The following IL1RAPL1 variants were observed in gnomAD, a reference collection of about 807,000 sequenced individuals.
IL1RAPL1 encodes the protein interleukin 1 receptor accessory protein like 1, also known as interleukin-1 receptor accessory protein-like 1.
Under a neutral mutation model 48.4 loss-of-function variants are expected in IL1RAPL1, and 3 were observed. The observed-to-expected ratio is 0.06, with a 90% CI of 0.03 to 0.16. The LOEUF (loss-of-function observed/expected upper bound fraction) is 0.16, where lower values mean the gene tolerates loss of function less well. Ranked by LOEUF, IL1RAPL1 falls within the 10% of genes least tolerant of loss-of-function variation. IL1RAPL1 has a pLI of 1.00. For missense variants in IL1RAPL1, 349 were observed against 530.6 expected, an observed-to-expected ratio of 0.66 and a Z score of 3.36; for synonymous variants, 185 against 187.7, an observed-to-expected ratio of 0.99 and a Z score of 0.12.
intron 5 of IL1RAPL1, among the ~76,000 whole-genome samples, chrX:29,643,868 G>C (rs920473974): frequency 8.9e-6 from 1 of 111,965 alleles, no homozygotes; most frequent in Admixed American, 9.5e-5. Context: ...ATGTACACTA[G>C]CATTTATGGA....
intron 5 of IL1RAPL1, among the ~76,000 whole-genome samples, chrX:29,457,386 A>G (rs1321205401): frequency 2.7e-5 from 3 of 110,864 alleles, no homozygotes; most frequent in Non-Finnish European, 5.7e-5. Flanking sequence ...TATCATGTTT[A>G]TGTTCATGTG....
chrX:29,354,605 T>C (rs1933278237), intron 3 of IL1RAPL1, among the ~76,000 whole-genome samples: 1 of 112,221 alleles, frequency 8.9e-6, no homozygotes, highest in South Asian at 3.7e-4. Context: ...TGTTCAGCAT[T>C]CTGACAGAAG....
At chrX:29,864,374 G>A (rs1005342893) in intron 6 of IL1RAPL1, among the ~76,000 whole-genome samples, 2 of 112,120 alleles carry the variant, frequency 1.8e-5, no homozygotes, top group Non-Finnish European at 3.8e-5. Context: ...CCTGAAGGGG[G>A]TGGCCCTTAC....
At chrX:28,750,607 T>C (rs1211198215) in intron 1 of IL1RAPL1, among the ~76,000 whole-genome samples, 1 of 112,117 alleles carries the variant, frequency 8.9e-6, no homozygotes, top group Non-Finnish European at 1.9e-5. Context: ...CTCATATTTT[T>C]CTTGATACTG....
At chrX:28,951,939 A>G (rs776153816) in intron 2 of IL1RAPL1, among the ~76,000 whole-genome samples, 35 of 111,187 alleles carry the variant, frequency 3.1e-4, no homozygotes, top group Non-Finnish European at 5.5e-4. Flanking sequence ...GAGGCAGTAT[A>G]TGGTAGATGT....
chrX:29,045,644 T>A (rs1307604411), intron 2 of IL1RAPL1, among the ~76,000 whole-genome samples: 1 of 111,111 alleles, frequency 9.0e-6, no homozygotes, highest in Non-Finnish European at 1.9e-5. Flanking sequence ...TTTAAAATTA[T>A]TTTTTGTAAA....
intron 5 of IL1RAPL1, among the ~76,000 whole-genome samples, chrX:29,618,014 T>C (rs1924341573): frequency 8.9e-6 from 1 of 111,913 alleles, no homozygotes; most frequent in African/African-American, 3.2e-5. Context: ...GGCCTTCTTT[T>C]CCCACTGGGT....
intron 5 of IL1RAPL1, among the ~76,000 whole-genome samples, chrX:29,475,370 A>T (rs1255737390): frequency 8.9e-6 from 1 of 111,907 alleles, no homozygotes; most frequent in African/African-American, 3.3e-5. Flanking sequence ...TTTAGCATCT[A>T]TGTGTGAATT....
intron 2 of IL1RAPL1, among the ~76,000 whole-genome samples, chrX:29,094,895 T>G (rs1374664849): frequency 1.9e-5 from 2 of 105,949 alleles, no homozygotes; most frequent in Non-Finnish European, 3.9e-5. Context: ...TTAACTACTT[T>G]TAAGATTTTT....
chrX:29,479,053 C>G (rs1186383900), intron 5 of IL1RAPL1, among the ~76,000 whole-genome samples: 2 of 107,791 alleles, frequency 1.9e-5, no homozygotes, highest in Non-Finnish European at 3.8e-5. Flanking sequence ...TTTTCTCTGT[C>G]TCTCACTAAT....
chrX:28,807,498 T>C (rs887059158), intron 2 of IL1RAPL1, among the ~76,000 whole-genome samples: 1 of 111,816 alleles, frequency 8.9e-6, no homozygotes, highest in Non-Finnish European at 1.9e-5. Flanking sequence ...ATGCCTTACA[T>C]AGAAACTTGC....
At chrX:29,082,787 G>C (rs987558945) in intron 2 of IL1RAPL1, among the ~76,000 whole-genome samples, 1 of 111,890 alleles carries the variant, frequency 8.9e-6, no homozygotes, top group Non-Finnish European at 1.9e-5. Context: ...CATAAGCAAA[G>C]CTGTATGATT....
intron 5 of IL1RAPL1, among the ~76,000 whole-genome samples, chrX:29,421,556 A>G (rs1327629604): frequency 1.8e-5 from 2 of 111,014 alleles, no homozygotes; most frequent in South Asian, 3.9e-4. Context: ...AGAAAAAAAA[A>G]TCTGGCAAAG....
chrX:28,787,913 G>A (rs7054534), intron 1 of IL1RAPL1, among the ~76,000 whole-genome samples: 47,615 of 109,865 alleles, frequency 0.43, 7,621 homozygotes, highest in Middle Eastern at 0.62. Context: ...TTTGAAAGTC[G>A]GTCTTTCAGC....
intron 1 of IL1RAPL1, among the ~76,000 whole-genome samples, chrX:28,588,473 C>T (rs1368045135): frequency 1.8e-5 from 2 of 111,666 alleles, no homozygotes; most frequent in Non-Finnish European, 3.8e-5. Flanking sequence ...TAAAATGAAA[C>T]GAGCTACTCT....
chrX:29,396,469 T>G, intron 4 of IL1RAPL1, 25 bp downstream of exon 4: 1 of 1,162,845 alleles, frequency 8.6e-7, no homozygotes, highest in Non-Finnish European at 1.2e-6. Context: ...TGGTTCTATT[T>G]CCTATTAACA....
intron 2 of IL1RAPL1, among the ~76,000 whole-genome samples, chrX:29,236,049 C>T (rs973254876): frequency 8.9e-6 from 1 of 112,294 alleles, no homozygotes; most frequent in East Asian, 2.8e-4. Flanking sequence ...ATGGAAATAT[C>T]GGTCAAATCA....
chrX:29,174,498 A>G (rs1216208608), intron 2 of IL1RAPL1, among the ~76,000 whole-genome samples: 1 of 112,275 alleles, frequency 8.9e-6, no homozygotes, highest in Non-Finnish European at 1.9e-5. Context: ...GCTTATGAAG[A>G]CACAGCTAAG....
chrX:28,945,266 G>A (rs5943579), intron 2 of IL1RAPL1, among the ~76,000 whole-genome samples: 39,879 of 110,042 alleles, frequency 0.36, 5,965 homozygotes, highest in Non-Finnish European at 0.47. Context: ...TACCCAAAAA[G>A]TATGAATCAT....
Sources: gnomAD v4.1 joint callset for allele counts (sites outside exome capture counted in the v4.1 genomes callset) on GRCh38, gnomAD v4.1.1 for gene constraint, MANE v1.5 for transcripts, NCBI Gene and HGNC (gene_info 2026-07-23, HGNC 2026-07-21) for gene names.